Variants in RRBP1 observed in about 807,000 individuals in gnomAD.
RRBP1 encodes ribosome binding protein 1, also known as ribosome-binding protein 1.
Under a neutral mutation model 165.2 loss-of-function variants are expected in RRBP1, and 94 were observed. The observed-to-expected ratio is 0.57, with a 90% CI of 0.48 to 0.68. The LOEUF is 0.68. Among genes scored for constraint, RRBP1 ranks in the 30% least tolerant of loss-of-function variants. RRBP1 has a pLI of 0.00. For missense variants in RRBP1, 1,676 were observed against 1,763.0 expected (o/e 0.95, Z 0.88); for synonymous variants, 680 against 714.5 (o/e 0.95, Z 0.77).
At chr20:17,657,593 A>T (rs561283261) in intron 3 of RRBP1, among the ~76,000 whole-genome samples, 2 of 152,228 alleles carry the variant, frequency 1.3e-5, no homozygotes, top group Non-Finnish European at 2.9e-5. Context: ...AAAGAAAGGA[A>T]AAAAGAAAAG....
In RRBP1 at chr20:17,643,099, G is replaced by A. The variant is rs745392284; in HGVS notation, c.1941C>T (p.Tyr647=). The A allele has an allele frequency of 3.7e-6, 6 of 1,614,104 alleles. No individual in the cohort carries two copies. Among genetic ancestry groups the A allele is most frequent in the Non-Finnish European group, 3.4e-6 (4 of 1,180,028 alleles). The change falls in exon 4 of 25, where the codon TAC becomes TAT. Residue 647 remains tyrosine (Y), a synonymous_variant. Coordinates refer to ENST00000377813, the MANE Select transcript of RRBP1 (RefSeq NM_001365613.2). This position sits in a 1 kb window ranked among gnomAD's most constrained non-coding sequence, Gnocchi z 4.3. ...TGGAGACCAGCGTCTTGTAGGGGAG[G>A]TAGAGAGGGCCGTCGGCATCTGGGG... The part of the protein sequence containing the change: ...PGPPDADGPL[Y]LPYKTLVSTV...
At chr20:17,617,406 G>C (rs1265704795) in intron 20 of RRBP1, among the ~76,000 whole-genome samples, 4 of 152,190 alleles carry the variant, frequency 2.6e-5, no homozygotes, top group Non-Finnish European at 5.9e-5. Context: ...ACCCAGGTGG[G>C]GCCCTTGGCA....
intron 11 of RRBP1, among the ~76,000 whole-genome samples, chr20:17,626,306 C>T (rs886381906): frequency 6.6e-6 from 1 of 152,354 alleles, no homozygotes; most frequent in East Asian, 1.9e-4. Context: ...AAAACAACAA[C>T]CTCTCTACCC....
At chr20:17,638,837 C>G (rs776663058) in intron 5 of RRBP1, among the ~76,000 whole-genome samples, 25 of 152,122 alleles carry the variant, frequency 1.6e-4, no homozygotes, top group Non-Finnish European at 2.6e-4. Context: ...TGGGGCCCCT[C>G]ATGGTGTAAG....
In RRBP1 at chr20:17,671,446, A is replaced by G. The variant is rs376677867; in HGVS notation, c.-22+8553T>C. 1.5e-4 allele frequency among the ~76,000 whole-genome samples: 23 copies of G among 152,352 alleles called. No individual in the cohort carries two copies. In the East Asian group the frequency reaches 3.9e-3, roughly 26 times the overall value. On this transcript the variant is annotated intron_variant, in intron 2 of 24. Coordinates refer to ENST00000377813, the MANE Select transcript of RRBP1 (RefSeq NM_001365613.2). ...CTCGCCCCTGGACTGACCCAGGAACACTAGGTGTGCAGGTCCACTCTCAAA... is the reference window on the plus strand; with the variant it reads ...CTCGCCCCTGGACTGACCCAGGAACGCTAGGTGTGCAGGTCCACTCTCAAA...
At position 17,619,628 on chromosome 20, in the gene RRBP1, C is replaced by T; in HGVS notation, c.3675+5G>A. On this transcript the variant is annotated splice_donor_5th_base_variant and intron_variant, in intron 19 of 24. Coordinates refer to ENST00000377813, the MANE Select transcript of RRBP1 (RefSeq NM_001365613.2). ...GGGGCTGCACTCCTTGGGGGGCAGA[C>T]TCACCCCTGCCACCTCCTTGGCGTA... 6.2e-7 allele frequency: 1 copy of T among 1,604,714 alleles called. No homozygotes were observed. The highest frequency in any genetic ancestry group is 8.5e-7 in the Non-Finnish European group (1 of 1,174,220).
chr20:17,636,401 G>C (rs1325387623), intron 6 of RRBP1, among the ~76,000 whole-genome samples, 176 bp downstream of exon 6: 2 of 152,184 alleles, frequency 1.3e-5, no homozygotes, highest in East Asian at 1.9e-4. Flanking sequence ...GCCAGACCCT[G>C]TCCAGCCAAA....
In RRBP1 at chr20:17,659,025, C is replaced by A. The variant is rs867093527; in HGVS notation, c.1483G>T (p.Ala495Ser). 5.7e-6 allele frequency: 9 copies of A among 1,576,696 alleles called. No individual in the cohort carries two copies. In the African/African-American group the frequency reaches 9.5e-5, roughly 17 times the overall value. ...AQNQGKKAEG[A>S]QNQGKKAEGA... ...TCGGCCTTTTTGCCCTGGTTCTGAG[C>A]CCCCTCGGCCTTCTTGCCCTGGTTC... is the stretch of plus-strand genomic sequence containing the variant. Residue 495 changes from alanine (A) to serine (S), a missense_variant, in exon 3 of 25, where the codon GCT becomes TCT. Coordinates refer to ENST00000377813, the MANE Select transcript of RRBP1 (RefSeq NM_001365613.2).
At chr20:17,615,895 G>A (rs1163965870) in intron 22 of RRBP1, 31 bp downstream of exon 22, 1 of 1,587,466 alleles carries the variant, frequency 6.3e-7, no homozygotes, top group South Asian at 1.1e-5. Context: ...AGGGGCTGAT[G>A]GGGGCTGAGA....
intron 17 of RRBP1, 138 bp from the exon 18 acceptor site, chr20:17,620,508 C>T (rs1396498935): frequency 1.1e-6 from 1 of 886,616 alleles, no homozygotes; most frequent in Non-Finnish European, 1.9e-6. Flanking sequence ...GGGACGGTCA[C>T]CCTGGCGCCA....
intron 1 of RRBP1, among the ~76,000 whole-genome samples, chr20:17,680,308 T>C (rs1450750090): frequency 6.6e-6 from 1 of 152,010 alleles, no homozygotes; most frequent in Non-Finnish European, 1.5e-5. Context: ...TTCCTGGGAG[T>C]GCCAGACAGA....
chr20:17,635,542 T>A lies in RRBP1; in HGVS notation c.2456+4A>T. ...AGGTGCTGAGGCAGGAAAGCTCAGC[T>A]TACTTGCTCTCCACCTGGCTCGTGG... On this transcript the variant is annotated splice_donor_region_variant and intron_variant, in intron 7 of 24. Transcript: ENST00000377813. 6.2e-7 allele frequency: 1 copy of A among 1,603,020 alleles called. No homozygotes were observed. The highest frequency in any genetic ancestry group is 8.5e-7 in the Non-Finnish European group (1 of 1,173,886).
chr20:17,645,457 C>T (rs1600755337), intron 3 of RRBP1, among the ~76,000 whole-genome samples: 1 of 152,354 alleles, frequency 6.6e-6, no homozygotes, highest in African/African-American at 2.4e-5. Context: ...TCTCATGGCC[C>T]CCCAGAAACT....
intron 7 of RRBP1, among the ~76,000 whole-genome samples, chr20:17,635,112 A>G (rs1448675377): frequency 6.6e-6 from 1 of 152,192 alleles, no homozygotes. Context: ...CTGAGGGTGT[A>G]ATGCTTAAAT....
chr20:17,616,775 G>A lies in RRBP1; in HGVS notation c.3824C>T (p.Ala1275Val). Residue 1275 changes from alanine (A) to valine (V), a missense_variant, in exon 21 of 25, where the codon GCT becomes GTT. Ala to Val is a moderately conservative substitution (Grantham distance 64). Coordinates refer to ENST00000377813, the MANE Select transcript of RRBP1 (RefSeq NM_001365613.2). ...GGCTGGGGGCGCCTCTGGGGAGGAA[G>A]CTGGGGCCCCAGCTATGTCACCATC... ...VEDGDIAGAP[A>V]SSPEAPPAEQ... 1.9e-6 allele frequency: 3 copies of A among 1,612,816 alleles called. No individual in the cohort carries two copies. The highest frequency in any genetic ancestry group is 3.3e-5 in the Admixed American group (2 of 59,846).
intron 4 of RRBP1, 33 bp from the exon 5 acceptor site, chr20:17,641,952 G>A: frequency 1.3e-6 from 2 of 1,599,146 alleles, no homozygotes; most frequent in Non-Finnish European, 1.7e-6. Flanking sequence ...TAACAGAGGG[G>A]ACAAATGGGA....
intron 8 of RRBP1, 130 bp from the exon 9 acceptor site, chr20:17,630,091 G>T: frequency 2.1e-6 from 2 of 953,590 alleles, no homozygotes; most frequent in South Asian, 2.1e-5. Context: ...ATGTGGGAAG[G>T]AAATGCATCC....
At chr20:17,642,045 C>T in intron 4 of RRBP1, 126 bp from the exon 5 acceptor site, 3 of 1,050,348 alleles carry the variant, frequency 2.9e-6, no homozygotes, top group South Asian at 3.1e-5. Flanking sequence ...TCAAGGGTTC[C>T]ACTGGGACTC....
At chr20:17,673,942 T>C (rs1336104993) in intron 2 of RRBP1, among the ~76,000 whole-genome samples, 2 of 152,228 alleles carry the variant, frequency 1.3e-5, no homozygotes, top group East Asian at 1.9e-4. Context: ...GTGATTACTA[T>C]TCTGAAAATT....
Sources: allele counts gnomAD v4.1 joint callset (sites outside exome capture counted in the v4.1 genomes callset), GRCh38; gene constraint gnomAD v4.1.1; non-coding constraint Gnocchi (gnomAD v3.1); transcripts MANE v1.5; gene names NCBI Gene and HGNC (gene_info 2026-07-23, HGNC 2026-07-21).